The following ZC3H7A variants were observed in gnomAD, a reference collection of about 807,000 sequenced individuals.
ZC3H7A encodes zinc finger CCCH domain-containing protein 7A.
ZC3H7A carries 44 observed loss-of-function variants against 125.5 expected under a neutral mutation model. That is an observed-to-expected ratio of 0.35 (90% CI 0.28 to 0.45). ZC3H7A has a LOEUF of 0.45. Among genes scored for constraint, ZC3H7A ranks in the 20% least tolerant of loss-of-function variants. The probability of loss-of-function intolerance (pLI) is 1.00; values close to 1 mark genes in which losing one functional copy is unlikely to be tolerated. For synonymous variants in ZC3H7A, 399 were observed against 391.2 expected (o/e 1.02, Z -0.23); for missense variants, 977 against 1,170.7 (o/e 0.83, Z 2.41).
chr16:11,769,297 A>C (rs2052925793), intron 10 of ZC3H7A, among the ~76,000 whole-genome samples: 1 of 152,188 alleles, frequency 6.6e-6, no homozygotes, highest in African/African-American at 2.4e-5. Flanking sequence ...AGTCAAACAA[A>C]TTTAAATAAA....
intron 13 of ZC3H7A, among the ~76,000 whole-genome samples, chr16:11,767,001 CAT>C (rs1346235181): frequency 6.6e-6 from 1 of 151,278 alleles, no homozygotes. Flanking sequence ...GTTATAATAA[CAT>C]AATGTAATAA....
At chr16:11,758,730 T>A in intron 19 of ZC3H7A, 191 bp from the exon 20 acceptor site, 1 of 530,644 alleles carries the variant, frequency 1.9e-6, no homozygotes, top group Non-Finnish European at 3.3e-6. Context: ...AAGGTTTCTA[T>A]CTCAAAATTT....
In ZC3H7A at chr16:11,751,040, C is replaced by G. The variant is rs2141146522; in HGVS notation, c.*277G>C. On this transcript the variant is annotated 3_prime_UTR_variant, in exon 23 of 23. Transcript: ENST00000355758. ...ACTCAAAGAGTTGTCCTAGATATAA[C>G]CTTATCCTCTTCCCCAACACACTTC... 9.7e-6 allele frequency: 3 copies of G among 308,490 alleles called. No homozygotes were observed. The South Asian group carries it at 1.6e-4, about 16-fold the overall frequency. 19.1% of individuals were successfully genotyped at this position (308,490 alleles called of 1,614,324 possible).
At chr16:11,781,651 C>CATATATATATATATAT (rs3972315) in intron 2 of ZC3H7A, among the ~76,000 whole-genome samples, 187 bp from the exon 3 acceptor site, 20 of 145,042 alleles carry the variant, frequency 1.4e-4, no homozygotes, top group African/African-American at 5.0e-4. Context: ...AATACATATA[C>CATATATATATATATAT]ATATATATAT....
chr16:11,790,079 C>CAA (rs150579733), intron 1 of ZC3H7A, among the ~76,000 whole-genome samples: 479 of 72,728 alleles, frequency 6.6e-3, no homozygotes, highest in Non-Finnish European at 8.7e-3. Context: ...GACTCCATCT[C>CAA]AAAAAAAAAA....
At chr16:11,780,589 C>T (rs2053159596) in intron 3 of ZC3H7A, among the ~76,000 whole-genome samples, 1 of 152,182 alleles carries the variant, frequency 6.6e-6, no homozygotes, top group Non-Finnish European at 1.5e-5. Context: ...TGACATGCCA[C>T]TTAACATCTT....
chr16:11,769,221 C>T, intron 10 of ZC3H7A, 126 bp from the exon 11 acceptor site: 1 of 792,502 alleles, frequency 1.3e-6, no homozygotes. Flanking sequence ...TAGAAATTTT[C>T]TTGCTCAAGG....
At chr16:11,763,027 A>G (rs1314591625) in intron 16 of ZC3H7A, 1 of 343,720 alleles carries the variant, frequency 2.9e-6, no homozygotes, top group Non-Finnish European at 5.3e-6. Context: ...GCAACTCTAA[A>G]AATCAAAAGT....
chr16:11,786,883 C>T (rs1390937864), intron 1 of ZC3H7A, among the ~76,000 whole-genome samples: 1 of 152,184 alleles, frequency 6.6e-6, no homozygotes, highest in Non-Finnish European at 1.5e-5. Context: ...ATCAGTCCGT[C>T]TTACTGTTTT....
chr16:11,756,285 C>G lies in ZC3H7A; in HGVS notation c.2514G>C (p.Lys838Asn). Residue 838 changes from lysine (K) to asparagine (N), a missense_variant, in exon 21 of 23, where the codon AAG (lysine) becomes AAC (asparagine). Around this residue, in one of 3 missense-constraint regions of ZC3H7A, gnomAD observed 436 missense variants for 603.2 expected, o/e 0.72. Coordinates refer to ENST00000355758, the MANE Select transcript of ZC3H7A (RefSeq NM_014153.4). ...KSEDIASQSN[K>N]ENGKQIHMPT... The stretch of plus-strand genomic sequence containing the variant: ...GCATGTGAATTTGTTTTCCATTTTC[C>G]TTGTTTGACTGACTGGCTATGTCTT... The G allele has an allele frequency of 1.2e-6, 2 of 1,613,998 alleles. No individual in the cohort carries two copies. Among genetic ancestry groups the G allele is most frequent in the Admixed American group, 3.3e-5 (2 of 59,980 alleles).
intron 1 of ZC3H7A, among the ~76,000 whole-genome samples, chr16:11,788,610 T>A (rs1005262579): frequency 6.7e-6 from 1 of 149,472 alleles, no homozygotes; most frequent in Non-Finnish European, 1.5e-5. Flanking sequence ...TTTCTTTTTT[T>A]TCTTTCTTTT....
Position 11,757,533 on chromosome 16 carries a change from A to G in ZC3H7A, c.2428+898T>C, listed in dbSNP as rs140226766. Among the ~76,000 whole-genome samples, 554 of 150,832 alleles carry G rather than the reference A, an allele frequency of 3.7e-3. 4 individuals are homozygous for G. Among genetic ancestry groups the G allele is most frequent in the African/African-American group, 0.013 (518 of 41,058 alleles). On this transcript the variant is annotated intron_variant, in intron 20 of 22. Coordinates refer to ENST00000355758, the MANE Select transcript of ZC3H7A (RefSeq NM_014153.4). Reference sequence around the variant, plus strand: ...AAAAATTTGTTCCCAGTTGAGAACCACTGTGCTAAAAACTCTGGTAATGAG... The same window carrying G: ...AAAAATTTGTTCCCAGTTGAGAACCGCTGTGCTAAAAACTCTGGTAATGAG...
Position 11,783,671 on chromosome 16 carries a change from C to T in ZC3H7A, c.-34-1283G>A, listed in dbSNP as rs538299582. ...AAGACAACATCTTACACATAAACCACGTATTTGGACCCAGGTGACAGGAAG... is the reference window on the plus strand; with the variant it reads ...AAGACAACATCTTACACATAAACCATGTATTTGGACCCAGGTGACAGGAAG... On this transcript the variant is annotated intron_variant, in intron 1 of 22. Coordinates refer to ENST00000355758, the MANE Select transcript of ZC3H7A (RefSeq NM_014153.4). Among the ~76,000 whole-genome samples the T allele has an allele frequency of 3.9e-5, 6 of 152,310 alleles. No individual in the cohort carries two copies. In the East Asian group the frequency reaches 5.8e-4, roughly 15 times the overall value.
Position 11,776,354 on chromosome 16 carries a change from G to A in ZC3H7A, c.551C>T (p.Ser184Leu). 6.2e-7 allele frequency: 1 copy of A among 1,608,838 alleles called. No homozygotes were observed. The highest frequency in any genetic ancestry group is 1.7e-4 in the Middle Eastern group (1 of 6,032). ...CCCATCCCCAGGAACTGATTTTAATGAGAGCTGAAATAAAATAAAGACACT... is the reference window on the plus strand; with the variant it reads ...CCCATCCCCAGGAACTGATTTTAATAAGAGCTGAAATAAAATAAAGACACT... ...IRKAYVRAEL[S>L]LKSVPGDGAT... is the part of the protein sequence containing the mutation. Residue 184 changes from serine (S) to leucine (L), a missense_variant, in exon 7 of 23, where the codon TCA becomes TTA. Ser to Leu is a moderately radical substitution (Grantham distance 145, BLOSUM62 -2). This residue lies in a region of ZC3H7A where 199 missense variants were observed against 256.1 expected (regional missense o/e 0.78). Transcript: ENST00000355758.
At chr16:11,773,544 C>A (rs2141194679) in intron 9 of ZC3H7A, among the ~76,000 whole-genome samples, 1 of 152,000 alleles carries the variant, frequency 6.6e-6, no homozygotes, top group East Asian at 1.9e-4. Flanking sequence ...GTTGGCTGAA[C>A]CCCGCTTTAA....
chr16:11,781,937 T>C (rs547411197), intron 2 of ZC3H7A, among the ~76,000 whole-genome samples: 68 of 152,202 alleles, frequency 4.5e-4, no homozygotes, highest in South Asian at 6.2e-4. Context: ...AACACTGAGC[T>C]TCTGAACAGA....
In ZC3H7A at chr16:11,779,308, C is replaced by T; in HGVS notation, c.164G>A (p.Arg55Gln). 4 of 1,613,868 alleles carry T rather than the reference C, an allele frequency of 2.5e-6. No individual in the cohort carries two copies. Among genetic ancestry groups the T allele is most frequent in the Non-Finnish European group, 3.4e-6 (4 of 1,179,964 alleles). Residue 55 changes from arginine to glutamine, a missense_variant, in exon 4 of 23, where the codon CGG (arginine) becomes CAG (glutamine). Arg to Gln is a conservative substitution (Grantham distance 43). This residue lies in a region of ZC3H7A where 199 missense variants were observed against 256.1 expected (regional missense o/e 0.78). Transcript: ENST00000355758. Reference sequence around the variant, plus strand: ...TATCGAGTTGTTCCAATCATGTTCCCGATAAACGTCATTTCCTTCATTAAA... The same window carrying T: ...TATCGAGTTGTTCCAATCATGTTCCTGATAAACGTCATTTCCTTCATTAAA... ...NLFNEGNDVY[R>Q]EHDWNNSISQ...
At chr16:11,781,100 AG>A (rs752319249) in intron 3 of ZC3H7A, among the ~76,000 whole-genome samples, 24 of 152,156 alleles carry the variant, frequency 1.6e-4, no homozygotes, top group African/African-American at 5.5e-4. Context: ...AAAAAGAAAA[AG>A]AAAAAAAAAG....
At chr16:11,782,942 C>T (rs1456769602) in intron 1 of ZC3H7A, 2 of 152,744 alleles carry the variant, frequency 1.3e-5, no homozygotes, top group African/African-American at 4.8e-5. Context: ...GGCTGAATGG[C>T]TATGCAGACT....
Sources: allele counts gnomAD v4.1 joint callset (sites outside exome capture counted in the v4.1 genomes callset), GRCh38; gene constraint gnomAD v4.1.1; regional missense constraint gnomAD v4.1.1; transcripts MANE v1.5; gene names NCBI Gene and HGNC (gene_info 2026-07-23, HGNC 2026-07-21).